Variants in FHIT observed in about 807,000 individuals in gnomAD.
FHIT encodes fragile histidine triad diadenosine triphosphatase.
A neutral mutation model predicts 17.9 loss-of-function variants in FHIT; 19 were observed. That is an observed-to-expected ratio of 1.06 (90% CI 0.74 to 1.56). FHIT has a LOEUF of 1.56. Among genes scored for constraint, FHIT ranks in the 40% most tolerant of loss-of-function variants. The pLI is 0.00. For synonymous variants in FHIT, 81 were observed against 69.7 expected (o/e 1.16, Z -0.81); for missense variants, 248 against 189.2 (o/e 1.31, Z -1.82).
chr3:60,355,038 A>G (rs1397604322), intron 5 of FHIT, among the ~76,000 whole-genome samples: 2 of 152,158 alleles, frequency 1.3e-5, no homozygotes, highest in African/African-American at 4.8e-5. Context: ...TTAATCCTCA[A>G]TGATTTAGAC....
At chr3:61,060,567 T>A (rs1346161869) in intron 2 of FHIT, among the ~76,000 whole-genome samples, 1 of 152,272 alleles carries the variant, frequency 6.6e-6, no homozygotes, top group Non-Finnish European at 1.5e-5. Context: ...GTCATCTGTG[T>A]GTACTCCTCA....
intron 5 of FHIT, among the ~76,000 whole-genome samples, chr3:60,440,635 T>C (rs2030714884): frequency 6.6e-6 from 1 of 152,030 alleles, no homozygotes; most frequent in African/African-American, 2.4e-5. Context: ...TATGTCAAAT[T>C]TCCAATCCAA....
At chr3:59,908,850 T>TTTTTTTTTTTTTTTTTTTTTTTTG (rs1553712872) in intron 8 of FHIT, among the ~76,000 whole-genome samples, 12 of 150,200 alleles carry the variant, frequency 8.0e-5, no homozygotes, top group African/African-American at 1.5e-4. Flanking sequence ...TTTCATTTTT[T>TTTTTTTTTTTTTTTTTTTTTTTTG]AATAGTCCAA....
intron 3 of FHIT, among the ~76,000 whole-genome samples, chr3:60,880,315 C>A (rs966482997): frequency 7.2e-5 from 11 of 152,158 alleles, no homozygotes; most frequent in Non-Finnish European, 1.3e-4. Context: ...AAACGTTTCT[C>A]AGAGAAGTAA....
chr3:60,130,894 TAC>T (rs34137642), intron 5 of FHIT, among the ~76,000 whole-genome samples: 3 of 144,894 alleles, frequency 2.1e-5, no homozygotes, highest in African/African-American at 5.0e-5. Context: ...TATACACACA[TAC>T]ACATATATAC....
chr3:60,393,173 G>C (rs908596294), intron 5 of FHIT, among the ~76,000 whole-genome samples: 1 of 151,968 alleles, frequency 6.6e-6, no homozygotes, highest in East Asian at 1.9e-4. Context: ...ATGTAATCAA[G>C]ATTGCATTGA....
intron 5 of FHIT, among the ~76,000 whole-genome samples, chr3:60,308,497 T>TATATATATATAC (rs1708788838): frequency 3.7e-4 from 1 of 2,674 alleles, no homozygotes; most frequent in Admixed American, 3.6e-3. Context: ...GGTGTATGTG[T>TATATATATATAC]ATATATATAT....
rs569698577 is a variant in FHIT, at chr3:59,985,618, C to CA, written c.279+25752dup. 1.6e-4 allele frequency among the ~76,000 whole-genome samples: 24 copies of CA among 152,268 alleles called. No homozygotes were observed. The East Asian group carries it at 2.9e-3, about 18-fold the overall frequency. ...TCTCAGGGCAATGAGTACAACTTCA[C>CA]AAGTCCAGCTCCGCTTAGCTGTGAG... is the stretch of plus-strand genomic sequence containing the variant. On this transcript the variant is annotated intron_variant, in intron 7 of 9. Coordinates refer to ENST00000492590, the MANE Select transcript of FHIT (RefSeq NM_002012.4).
intron 7 of FHIT, among the ~76,000 whole-genome samples, chr3:59,929,987 G>A (rs1488202148): frequency 2.0e-5 from 3 of 152,044 alleles, no homozygotes; most frequent in Non-Finnish European, 4.4e-5. Context: ...GAAAGGAAAG[G>A]AGGCCAATAT....
intron 5 of FHIT, among the ~76,000 whole-genome samples, chr3:60,329,406 A>T (rs180960796): frequency 1.1e-3 from 170 of 152,320 alleles, no homozygotes; most frequent in Non-Finnish European, 1.9e-3. Flanking sequence ...TTCTAACAAG[A>T]CATTCTTTAC....
chr3:59,839,792 GA>G (rs1449766111), intron 8 of FHIT, among the ~76,000 whole-genome samples: 1 of 151,938 alleles, frequency 6.6e-6, no homozygotes, highest in Non-Finnish European at 1.5e-5. Context: ...AGATGAAGGA[GA>G]AAAAAAATAA....
chr3:60,144,782 T>G (rs891632869), intron 5 of FHIT, among the ~76,000 whole-genome samples: 2 of 152,144 alleles, frequency 1.3e-5, no homozygotes, highest in African/African-American at 4.8e-5. Context: ...ATAAACAATA[T>G]TTTACTGTTA....
intron 5 of FHIT, among the ~76,000 whole-genome samples, chr3:60,288,836 A>T (rs1453004694): frequency 6.6e-6 from 1 of 152,182 alleles, no homozygotes; most frequent in Non-Finnish European, 1.5e-5. Flanking sequence ...AGCTTTAACA[A>T]CTATATCTTC....
intron 4 of FHIT, among the ~76,000 whole-genome samples, chr3:60,567,700 C>G (rs2037190778): frequency 6.6e-6 from 1 of 152,146 alleles, no homozygotes; most frequent in Admixed American, 6.5e-5. Context: ...TTTTTGCAGT[C>G]TACCCATCTG....
chr3:59,875,346 T>A (rs940412194), intron 8 of FHIT, among the ~76,000 whole-genome samples: 1 of 152,194 alleles, frequency 6.6e-6, no homozygotes, highest in African/African-American at 2.4e-5. Flanking sequence ...GGTTTCCATC[T>A]CCCAGGGAAG....
intron 1 of FHIT, among the ~76,000 whole-genome samples, chr3:61,231,258 A>C (rs548398894): frequency 6.6e-6 from 1 of 152,318 alleles, no homozygotes; most frequent in African/African-American, 2.4e-5. Flanking sequence ...TTGGAAGGCC[A>C]AGGTGGGAGG....
intron 4 of FHIT, among the ~76,000 whole-genome samples, chr3:60,570,075 C>T (rs1182876695): frequency 2.0e-5 from 3 of 152,066 alleles, no homozygotes; most frequent in Non-Finnish European, 4.4e-5. Context: ...TCAATTATAT[C>T]ACAGTCTATG....
In FHIT at chr3:60,850,491, C is replaced by G. The variant is rs139703878; in HGVS notation, c.-110-28480G>C. Reference sequence around the variant, plus strand: ...CACCAACTCACTCCATTACATTAATCTTTTATTTTGTTAATAGCTCTCATT... The same window carrying G: ...CACCAACTCACTCCATTACATTAATGTTTTATTTTGTTAATAGCTCTCATT... On this transcript the variant is annotated intron_variant, in intron 3 of 9. Transcript: ENST00000492590. 3.2e-3 allele frequency among the ~76,000 whole-genome samples: 483 copies of G among 152,194 alleles called. 4 individuals are homozygous for G. The highest frequency in any genetic ancestry group is 5.7e-3 in the Non-Finnish European group (389 of 68,018).
intron 5 of FHIT, among the ~76,000 whole-genome samples, chr3:60,202,891 A>C (rs1702980558): frequency 6.6e-6 from 1 of 152,092 alleles, no homozygotes; most frequent in Admixed American, 6.5e-5. Context: ...ATCAGTCAGA[A>C]AGCTACTCCC....
Sources: gnomAD v4.1 joint callset for allele counts (sites outside exome capture counted in the v4.1 genomes callset) on GRCh38, gnomAD v4.1.1 for gene constraint, MANE v1.5 for transcripts, NCBI Gene and HGNC (gene_info 2026-07-23, HGNC 2026-07-21) for gene names.